ANKRD6: variants seen among roughly 807,000 people sequenced by gnomAD.
ANKRD6 encodes ankyrin repeat domain-containing protein 6.
In ANKRD6, 56 loss-of-function variants were observed where a neutral mutation model predicts 82.3. The ratio of observed to expected loss-of-function variants is 0.68; its 90% CI spans 0.55 to 0.85. The LOEUF (loss-of-function observed/expected upper bound fraction) is 0.85. Among genes scored for constraint, ANKRD6 ranks in the 40% least tolerant of loss-of-function variants. The pLI is 0.00. For synonymous variants in ANKRD6, 347 were observed against 352.1 expected (o/e 0.99, Z 0.16); for missense variants, 852 against 907.6 (o/e 0.94, Z 0.79).
intron 1 of ANKRD6, among the ~76,000 whole-genome samples, chr6:89,448,478 C>T (rs1772380578): frequency 6.6e-6 from 1 of 151,842 alleles, no homozygotes; most frequent in Admixed American, 6.6e-5. Context: ...TCTGTCTGTG[C>T]CGTATAAATG....
At chr6:89,461,270 A>G (rs854865) in intron 1 of ANKRD6, among the ~76,000 whole-genome samples, 55,154 of 152,012 alleles carry the variant, frequency 0.36, 11,212 homozygotes, top group East Asian at 0.49. Context: ...ATTTACATAT[A>G]CCTTGGAAGA....
intron 2 of ANKRD6, among the ~76,000 whole-genome samples, chr6:89,569,600 A>C (rs1482036242): frequency 6.6e-6 from 1 of 152,168 alleles, no homozygotes; most frequent in Non-Finnish European, 1.5e-5. Context: ...AGTTCTCTAG[A>C]GTATATTCCT....
chr6:89,573,136 T>C (rs1334992288), intron 2 of ANKRD6, among the ~76,000 whole-genome samples: 1 of 152,126 alleles, frequency 6.6e-6, no homozygotes. Flanking sequence ...CTGATAATAA[T>C]GAGCAACTTC....
At chr6:89,546,318 C>G (rs1051929942) in intron 1 of ANKRD6, among the ~76,000 whole-genome samples, 3 of 152,066 alleles carry the variant, frequency 2.0e-5, no homozygotes, top group African/African-American at 7.2e-5. Context: ...GCCATAAAAA[C>G]TTAAGAAATA....
intron 14 of ANKRD6, chr6:89,628,808 A>T: frequency 3.2e-6 from 1 of 314,646 alleles, no homozygotes; most frequent in Non-Finnish European, 6.0e-6. Flanking sequence ...AAACTAATAG[A>T]GCAAGAACTT....
At chr6:89,570,505 A>G (rs74923221) in intron 2 of ANKRD6, among the ~76,000 whole-genome samples, 2 of 152,140 alleles carry the variant, frequency 1.3e-5, no homozygotes, top group Non-Finnish European at 2.9e-5. Context: ...ATCTTCAGAA[A>G]TTTTTCGTCT....
intron 1 of ANKRD6, among the ~76,000 whole-genome samples, chr6:89,451,657 C>T (rs1441632466): frequency 6.6e-6 from 1 of 152,148 alleles, no homozygotes; most frequent in Non-Finnish European, 1.5e-5. Flanking sequence ...CATTGTACGT[C>T]CTAAACTAAC....
At chr6:89,516,581 T>C (rs1220878709) in intron 1 of ANKRD6, among the ~76,000 whole-genome samples, 2 of 151,830 alleles carry the variant, frequency 1.3e-5, no homozygotes, top group Non-Finnish European at 2.9e-5. Context: ...TTCAAGCGAT[T>C]CTCCTGCTTC....
intron 1 of ANKRD6, among the ~76,000 whole-genome samples, chr6:89,504,494 C>T (rs1301912123): frequency 6.6e-6 from 1 of 152,048 alleles, no homozygotes. Context: ...CCCTTGAACT[C>T]CTGGGCTCAA....
At chr6:89,510,492 GTTTT>G (rs2127936482) in intron 1 of ANKRD6, among the ~76,000 whole-genome samples, 1 of 151,958 alleles carries the variant, frequency 6.6e-6, no homozygotes, top group South Asian at 2.1e-4. Context: ...GGAAAGTTCT[GTTTT>G]TTGGTCCTTA....
At chr6:89,503,368 G>A (rs903455893) in intron 1 of ANKRD6, among the ~76,000 whole-genome samples, 1 of 152,136 alleles carries the variant, frequency 6.6e-6, no homozygotes, top group Non-Finnish European at 1.5e-5. Context: ...AGGACAGAAG[G>A]CCATTGGTTC....
intron 1 of ANKRD6, among the ~76,000 whole-genome samples, chr6:89,555,031 C>T (rs1216188683): frequency 7.7e-6 from 1 of 130,092 alleles, no homozygotes; most frequent in African/African-American, 2.8e-5. Context: ...CCTCTCCTCC[C>T]TCCCCGCTTT....
At chr6:89,623,728 G>T in intron 11 of ANKRD6, 144 bp from the exon 12 acceptor site, 1 of 1,250,292 alleles carries the variant, frequency 8.0e-7, no homozygotes, top group Non-Finnish European at 1.1e-6. Flanking sequence ...TATTTCTTTT[G>T]ACATGTGTGG....
rs552477841 is a variant in ANKRD6 at position 89,604,472 on chromosome 6, T to A, written c.318+1345T>A. Among the ~76,000 whole-genome samples the A allele has an allele frequency of 4.6e-5, 7 of 152,294 alleles. No homozygotes were observed. In the South Asian group the frequency reaches 1.2e-3, roughly 27 times the overall value. ...GCAATTCAGCCTCTGCTTACTTTTT[T>A]TTTTTTTCTTTAAAGAGGCTATGCT... On this transcript the variant is annotated intron_variant, in intron 4 of 15. Transcript: ENST00000339746.
chr6:89,574,055 CTT>C (rs1790547127), intron 2 of ANKRD6, among the ~76,000 whole-genome samples: 1 of 152,174 alleles, frequency 6.6e-6, no homozygotes, highest in South Asian at 2.1e-4. Context: ...TAGTGTCTCT[CTT>C]ACATTTATCT....
intron 4 of ANKRD6, among the ~76,000 whole-genome samples, chr6:89,604,534 T>C (rs1406519613): frequency 6.6e-6 from 1 of 152,052 alleles, no homozygotes; most frequent in Non-Finnish European, 1.5e-5. Context: ...AAATAACTTT[T>C]CATTAAAGTA....
chr6:89,609,494 G>A (rs757101368), intron 5 of ANKRD6, among the ~76,000 whole-genome samples: 4 of 152,164 alleles, frequency 2.6e-5, no homozygotes, highest in East Asian at 3.9e-4. Flanking sequence ...TAGAGACAGC[G>A]TTTCACCATG....
At chr6:89,518,393 A>T (rs1288017726) in intron 1 of ANKRD6, among the ~76,000 whole-genome samples, 1 of 147,740 alleles carries the variant, frequency 6.8e-6, no homozygotes, top group Non-Finnish European at 1.5e-5. Flanking sequence ...CAAGAGTAAG[A>T]CTCCGTCTCA....
chr6:89,533,710 G>A lies in ANKRD6; in HGVS notation c.-143-33124G>A, dbSNP rs548878772. On this transcript the variant is annotated intron_variant, in intron 1 of 15. Transcript: ENST00000339746. ...CTCCAGCCATCACGAATGAGAGAGAGAGAGAGAGAGAAAATGAGTGTGTGT... is the reference window on the plus strand; with the variant it reads ...CTCCAGCCATCACGAATGAGAGAGAAAGAGAGAGAGAAAATGAGTGTGTGT... 4.1e-4 allele frequency among the ~76,000 whole-genome samples: 60 copies of A among 147,606 alleles called. 1 individual carries two copies. The highest frequency in any genetic ancestry group is 1.4e-3 in the African/African-American group (56 of 40,010).
Sources: gnomAD v4.1 joint callset for allele counts (sites outside exome capture counted in the v4.1 genomes callset) on GRCh38, gnomAD v4.1.1 for gene constraint, MANE v1.5 for transcripts, NCBI Gene and HGNC (gene_info 2026-07-23, HGNC 2026-07-21) for gene names.